The following SMO variants were observed in gnomAD, a reference collection of about 807,000 sequenced individuals.
SMO encodes the protein smoothened, frizzled class receptor.
A neutral mutation model predicts 81.6 loss-of-function variants in SMO; 40 were observed. The observed-to-expected ratio is 0.49, with a 90% CI of 0.38 to 0.64. The LOEUF (loss-of-function observed/expected upper bound fraction) is 0.64. Ranked by LOEUF, SMO falls within the 30% of genes least tolerant of loss-of-function variation. SMO has a pLI of 0.00. For synonymous variants in SMO, 434 were observed against 432.1 expected, an observed-to-expected ratio of 1.00 and a Z score of -0.05; for missense variants, 916 against 1,061.1, an observed-to-expected ratio of 0.86 and a Z score of 1.90.
At chr7:129,190,381 C>A (rs1793464815) in intron 1 of SMO, among the ~76,000 whole-genome samples, 1 of 152,188 alleles carries the variant, frequency 6.6e-6, no homozygotes, top group Non-Finnish European at 1.5e-5. Flanking sequence ...TGTCACTTTT[C>A]TAGATGAGGC....
chr7:129,190,585 G>C (rs945905206), intron 1 of SMO, among the ~76,000 whole-genome samples: 1 of 152,238 alleles, frequency 6.6e-6, no homozygotes, highest in African/African-American at 2.4e-5. Context: ...CTAATGTAGG[G>C]AGTGTATGTA....
rs2150656312 is a variant in SMO, at chr7:129,212,048, T to C, written c.1961T>C (p.Leu654Pro). Residue 654 changes from leucine (L) to proline (P), a missense_variant, in exon 12 of 12, where the codon CTG (leucine) becomes CCG (proline). By Grantham distance (98) the Leu-to-Pro change is moderately conservative. Around this residue, in one of 4 missense-constraint regions of SMO, gnomAD observed 324 missense variants for 312.9 expected, o/e 1.04. Transcript: ENST00000249373. This position sits in a 1 kb window ranked among gnomAD's most constrained non-coding sequence, Gnocchi z 5.0. ...GTGCCCCCAGAGGAACAAGCCAACC[T>C]GTGGCTGGTTGAGGCAGAGATCTCC... ...TPVPPEEQANLWLVEAEISPE... is the reference protein window; with the variant it reads ...TPVPPEEQANPWLVEAEISPE... 1 of 1,587,946 alleles carries C rather than the reference T, an allele frequency of 6.3e-7. No individual in the cohort carries two copies. Among genetic ancestry groups the C allele is most frequent in the Non-Finnish European group, 8.5e-7 (1 of 1,173,560 alleles).
chr7:129,200,272 T>A (rs2150644882), intron 1 of SMO, among the ~76,000 whole-genome samples: 1 of 151,860 alleles, frequency 6.6e-6, no homozygotes, highest in African/African-American at 2.4e-5. Flanking sequence ...AAAAAAAAAA[T>A]TAGCCGGGTG....
intron 2 of SMO, among the ~76,000 whole-genome samples, chr7:129,204,451 C>T (rs1009046631): frequency 6.6e-6 from 1 of 152,046 alleles, no homozygotes; most frequent in Non-Finnish European, 1.5e-5. Flanking sequence ...TCAAGACCAG[C>T]CTGACCAACA....
chr7:129,202,697 CTCT>C (rs1793689879), intron 1 of SMO, among the ~76,000 whole-genome samples: 1 of 152,120 alleles, frequency 6.6e-6, no homozygotes, highest in Non-Finnish European at 1.5e-5. Flanking sequence ...CTCTGACTAC[CTCT>C]TCTTAAGCCC....
At position 129,206,549 on chromosome 7, in the gene SMO, G is replaced by T. The variant is rs2150650812; in HGVS notation, c.1226G>T (p.Gly409Val). 6.2e-7 allele frequency: 1 copy of T among 1,614,190 alleles called. No individual in the cohort carries two copies. Among genetic ancestry groups the T allele is most frequent in the Non-Finnish European group, 8.5e-7 (1 of 1,180,038 alleles). Residue 409 changes from glycine to valine, a missense_variant, in exon 6 of 12, where the codon GGC becomes GTC. This residue lies in a region of SMO where 436 missense variants were observed against 570.9 expected (regional missense o/e 0.76). Transcript: ENST00000249373. The surrounding 1 kb of genome is among the most constrained non-coding windows in gnomAD (Gnocchi z 4.4). ...YRAGFVLAPIGLVLIVGGYFL... is the reference protein window; with the variant it reads ...YRAGFVLAPIVLVLIVGGYFL... ...GCGGGCTTCGTGCTGGCCCCAATCG[G>T]CCTGGTGCTCATCGTGGGAGGCTAC... is the stretch of plus-strand genomic sequence containing the variant.
In SMO at chr7:129,189,010, C is replaced by T. The variant is rs1028134142; in HGVS notation, c.-142C>T. 4.4e-6 allele frequency: 3 copies of T among 676,314 alleles called. No homozygotes were observed. In the Admixed American group the frequency reaches 1.4e-4, roughly 31 times the overall value. The allele number at this position is 676,314 out of a possible 1,614,324, so 41.9% of individuals were successfully genotyped here. ...CGAGGGGCCGGGGCGCGCGGAGCGT[C>T]CGGGGGGGCCCGGGCCCGGATTCTC... On this transcript the variant is annotated 5_prime_UTR_variant, in exon 1 of 12. Coordinates refer to ENST00000249373, the MANE Select transcript of SMO (RefSeq NM_005631.5). This position sits in a 1 kb window ranked among gnomAD's most constrained non-coding sequence, Gnocchi z 4.7.
Position 129,210,353 on chromosome 7 carries a change from C to G in SMO, c.1467-10C>G, listed in dbSNP as rs1793849041. Reference sequence around the variant, plus strand: ...GGAAAGCCTCACCTGTCTACGTTCCCTCACTGTAGATGTCAGGCCAATGTG... The same window carrying G: ...GGAAAGCCTCACCTGTCTACGTTCCGTCACTGTAGATGTCAGGCCAATGTG... On this transcript the variant is annotated splice_polypyrimidine_tract_variant and intron_variant, in intron 8 of 11. Transcript: ENST00000249373. This position sits in a 1 kb window ranked among gnomAD's most constrained non-coding sequence, Gnocchi z 4.7. 10 of 1,608,314 alleles carry G rather than the reference C, an allele frequency of 6.2e-6. No individual in the cohort carries two copies. Among genetic ancestry groups the G allele is most frequent in the Non-Finnish European group, 8.5e-6 (10 of 1,174,742 alleles).
At chr7:129,197,914 C>T (rs1391313044) in intron 1 of SMO, among the ~76,000 whole-genome samples, 2 of 152,074 alleles carry the variant, frequency 1.3e-5, no homozygotes, top group African/African-American at 4.8e-5. Flanking sequence ...ATCAGCCAGG[C>T]GCGGTAACAC....
intron 2 of SMO, 50 bp downstream of exon 2, chr7:129,203,639 G>A (rs771329569): frequency 1.5e-5 from 22 of 1,453,148 alleles, no homozygotes; most frequent in African/African-American, 6.9e-5. Flanking sequence ...GGGCAGGACC[G>A]GGTATAGGGC....
At chr7:129,193,218 C>T (rs1282557952) in intron 1 of SMO, among the ~76,000 whole-genome samples, 2 of 152,212 alleles carry the variant, frequency 1.3e-5, no homozygotes, top group African/African-American at 2.4e-5. Context: ...AGAGCCAGCA[C>T]GTAGCCTCCT....
rs1251562609 is a variant in SMO at position 129,211,296 on chromosome 7, CCT to C, written c.1801+188_1801+189del. ...CCTCCTACCCTCTGGGGGGCTCTCC[CCT>C]CTCTGTTTCTGCCCCTGGGTCTGCT... On this transcript the variant is annotated intron_variant, in intron 10 of 11. Coordinates refer to ENST00000249373, the MANE Select transcript of SMO (RefSeq NM_005631.5). This position sits in a 1 kb window ranked among gnomAD's most constrained non-coding sequence, Gnocchi z 4.6. 1 of 766,562 alleles carries C rather than the reference CCT, an allele frequency of 1.3e-6. No homozygotes were observed. Among genetic ancestry groups the C allele is most frequent in the Non-Finnish European group, 2.2e-6 (1 of 445,014 alleles). The allele number at this position is 766,562 out of a possible 1,614,324, so 47.5% of individuals were successfully genotyped here. A position where few individuals can be genotyped will look rare whatever the true frequency, so the allele number is the denominator to read the frequency against.
chr7:129,190,877 A>G (rs1793472128), intron 1 of SMO, among the ~76,000 whole-genome samples: 1 of 152,256 alleles, frequency 6.6e-6, no homozygotes. Context: ...GTTTGCATAC[A>G]TGTGTTACAT....
intron 2 of SMO, among the ~76,000 whole-genome samples, chr7:129,203,874 A>G (rs986523575): frequency 6.6e-6 from 1 of 152,120 alleles, no homozygotes; most frequent in Non-Finnish European, 1.5e-5. Context: ...ACAGGAGCCT[A>G]TCAGGAAGTT....
chr7:129,210,279 TG>T lies in SMO; in HGVS notation c.1467-81del, dbSNP rs1793847719. ...GTGATCACGCCACCGCACTCTAGCC[TG>T]GGTGACAGAGCAAGATCCTATCTCA... On this transcript the variant is annotated intron_variant, in intron 8 of 11. Transcript: ENST00000249373. This position sits in a 1 kb window ranked among gnomAD's most constrained non-coding sequence, Gnocchi z 4.7. 2 of 1,204,176 alleles carry T rather than the reference TG, an allele frequency of 1.7e-6. No individual in the cohort carries two copies. The highest frequency in any genetic ancestry group is 2.4e-6 in the Non-Finnish European group (2 of 822,262). The allele number at this position is 1,204,176 out of a possible 1,614,324, so 74.6% of individuals were successfully genotyped here.
intron 1 of SMO, among the ~76,000 whole-genome samples, chr7:129,193,437 A>G (rs185067544): frequency 2.6e-5 from 4 of 152,168 alleles, no homozygotes; most frequent in Admixed American, 2.6e-4. Context: ...GCTATTTCCA[A>G]ACTTGGCTGG....
rs199554124 is a variant in SMO at position 129,206,389 on chromosome 7, C to T, written c.1140+20C>T. ...GCGCAGGTATAGTGACTGGTAGGAA[C>T]GGGAGACCTGGATGGGGTGAGTTTG... On this transcript the variant is annotated intron_variant, in intron 5 of 11. Coordinates refer to ENST00000249373, the MANE Select transcript of SMO (RefSeq NM_005631.5). This position sits in a 1 kb window ranked among gnomAD's most constrained non-coding sequence, Gnocchi z 4.4. 5.4e-4 allele frequency: 873 copies of T among 1,613,976 alleles called. 3 individuals are homozygous for T. The Middle Eastern group carries it at 8.2e-3, about 15-fold the overall frequency.
At chr7:129,193,785 A>AAAAAATAT (rs1563145734) in intron 1 of SMO, among the ~76,000 whole-genome samples, 5 of 26,350 alleles carry the variant, frequency 1.9e-4, no homozygotes, top group African/African-American at 3.4e-4. Context: ...AAAAAAAAAA[A>AAAAAATAT]ATATATATAT....
chr7:129,200,344 C>G (rs1793650014), intron 1 of SMO, among the ~76,000 whole-genome samples: 1 of 152,072 alleles, frequency 6.6e-6, no homozygotes, highest in Non-Finnish European at 1.5e-5. Context: ...TGGCGTGAAC[C>G]CAGGAGGCGG....
Sources: allele counts gnomAD v4.1 joint callset (sites outside exome capture counted in the v4.1 genomes callset), GRCh38; gene constraint gnomAD v4.1.1; regional missense constraint gnomAD v4.1.1; non-coding constraint Gnocchi (gnomAD v3.1); transcripts MANE v1.5; gene names NCBI Gene and HGNC (gene_info 2026-07-23, HGNC 2026-07-21).